The following PGAP2 variants were observed in gnomAD, a reference collection of about 807,000 sequenced individuals.
The protein encoded by PGAP2 is acyltransferase PGAP2.
In PGAP2, 21 loss-of-function variants were observed where a neutral mutation model predicts 33.2. The observed-to-expected ratio is 0.63, with a 90% confidence interval of 0.45 to 0.91. PGAP2 has a LOEUF of 0.91. Among genes scored for constraint, PGAP2 ranks in the 40% least tolerant of loss-of-function variants. The pLI is 0.00. For missense variants in PGAP2, 345 were observed against 424.0 expected, an observed-to-expected ratio of 0.81 and a Z score of 1.64; for synonymous variants, 161 against 172.9, an observed-to-expected ratio of 0.93 and a Z score of 0.54.
chr11:3,802,462 C>G (rs187085170), intron 1 of PGAP2, among the ~76,000 whole-genome samples: 15 of 152,302 alleles, frequency 9.8e-5, no homozygotes, highest in African/African-American at 3.1e-4. Context: ...TTGATGCTTA[C>G]AAACCCTTTT....
At chr11:3,822,330 C>G (rs1159009808) in intron 3 of PGAP2, among the ~76,000 whole-genome samples, 1 of 152,132 alleles carries the variant, frequency 6.6e-6, no homozygotes, top group Non-Finnish European at 1.5e-5. Flanking sequence ...CGCCACTGCA[C>G]TCCAGCCTAG....
chr11:3,814,867 C>A (rs1268471648), intron 2 of PGAP2, among the ~76,000 whole-genome samples: 4 of 126,316 alleles, frequency 3.2e-5, no homozygotes, highest in Non-Finnish European at 6.8e-5. Context: ...TCTTTCTTTT[C>A]TTTCTTTTCT....
rs761460587 is a variant in PGAP2, at chr11:3,824,128, G to C, written c.594G>C (p.Glu198Asp). 5.0e-6 allele frequency: 8 copies of C among 1,614,044 alleles called. No individual in the cohort carries two copies. In the South Asian group the frequency reaches 8.8e-5, roughly 18 times the overall value. Residue 198 changes from glutamate to aspartate, a missense_variant, in exon 4 of 7, where the codon GAG becomes GAC. Physicochemically the swap from Glu to Asp is conservative, Grantham distance 45. This residue lies in a region of PGAP2 where 311 missense variants were observed against 353.6 expected (regional missense o/e 0.88). Transcript: ENST00000278243. ...LLVLTYVSSS[E>D]DFTIHENAFI... ...TGCTCACTTATGTCTCCTCCTCCGA[G>C]GACTTCAGTGGGTGCCTGGATGAGG... is the stretch of plus-strand genomic sequence containing the variant.
At chr11:3,798,173 A>T (rs904703028) in intron 1 of PGAP2, 2 of 1,359,726 alleles carry the variant, frequency 1.5e-6, no homozygotes, top group East Asian at 5.9e-5. Flanking sequence ...CTCCTGACCC[A>T]TGCTCGCCCC....
At chr11:3,813,215 G>GT (rs1565005193) in intron 2 of PGAP2, among the ~76,000 whole-genome samples, 1 of 152,108 alleles carries the variant, frequency 6.6e-6, no homozygotes, top group Non-Finnish European at 1.5e-5. Flanking sequence ...AAGTATTTGG[G>GT]TTTTTTTATT....
At chr11:3,820,881 C>T (rs1057182214) in intron 3 of PGAP2, among the ~76,000 whole-genome samples, 1 of 152,128 alleles carries the variant, frequency 6.6e-6, no homozygotes, top group African/African-American at 2.4e-5. Flanking sequence ...TGGTGTTATA[C>T]CCATTTTACC....
At chr11:3,813,573 C>G (rs766992870) in intron 2 of PGAP2, among the ~76,000 whole-genome samples, 1 of 151,918 alleles carries the variant, frequency 6.6e-6, no homozygotes, top group Non-Finnish European at 1.5e-5. Context: ...TGTGTGGAGA[C>G]GGGGTCTCAC....
At chr11:3,805,678 G>A (rs1441142805), upstream of PGAP2, among the ~76,000 whole-genome samples, 1 of 151,028 alleles carries the variant, frequency 6.6e-6, no homozygotes, top group African/African-American at 2.4e-5. Flanking sequence ...AGACCAGCCT[G>A]GGCAAGACAG....
intron 1 of PGAP2, among the ~76,000 whole-genome samples, chr11:3,810,014 G>A (rs2085223070): frequency 6.6e-6 from 1 of 152,202 alleles, no homozygotes; most frequent in Non-Finnish European, 1.5e-5. Context: ...GCCCAGAAGG[G>A]TATATTCTTT....
At chr11:3,817,968 G>T (rs1399535049) in intron 3 of PGAP2, 1 of 410,548 alleles carries the variant, frequency 2.4e-6, no homozygotes, top group Admixed American at 2.6e-5. Context: ...ATTGCTTGAG[G>T]CTGGGAGGTG....
At chr11:3,818,059 A>AAAT in intron 3 of PGAP2, 1 of 234,626 alleles carries the variant, frequency 4.3e-6, no homozygotes, top group South Asian at 3.1e-5. Flanking sequence ...AAACAAAACA[A>AAAT]AATAAAAAAA....
upstream of PGAP2, chr11:3,807,995 G>A (rs912735169): frequency 3.7e-4 from 474 of 1,293,008 alleles, no homozygotes; most frequent in Admixed American, 1.9e-3. Flanking sequence ...TCTGCGCTAC[G>A]TAGGACAGGG....
chr11:3,797,816 C>T, upstream of PGAP2: 1 of 1,548,984 alleles, frequency 6.5e-7, no homozygotes, highest in Non-Finnish European at 8.7e-7. Flanking sequence ...CGTGACGTCA[C>T]ACAGGGCCTC....
At chr11:3,808,447 T>G (rs2084845537), upstream of PGAP2, 2 of 1,509,526 alleles carry the variant, frequency 1.3e-6, no homozygotes, top group African/African-American at 1.4e-5. Context: ...CACGCCAGAT[T>G]GAGGAGGAGA....
At chr11:3,824,197 C>T in intron 4 of PGAP2, 62 bp downstream of exon 4, 1 of 1,611,734 alleles carries the variant, frequency 6.2e-7, no homozygotes, top group East Asian at 2.2e-5. Flanking sequence ...CCTGCCCCTA[C>T]CACATTCGGA....
intron 3 of PGAP2, among the ~76,000 whole-genome samples, chr11:3,822,013 G>A (rs551960551): frequency 3.9e-5 from 6 of 152,014 alleles, no homozygotes; most frequent in Non-Finnish European, 8.8e-5. Context: ...AGCCGAGATC[G>A]GGCTATGGCA....
intron 3 of PGAP2, chr11:3,823,642 A>G: frequency 6.5e-7 from 1 of 1,539,918 alleles, no homozygotes; most frequent in South Asian, 1.2e-5. Flanking sequence ...GGAGATGGAG[A>G]AGGTGCCACC....
At chr11:3,825,300 T>C in intron 6 of PGAP2, 28 bp from the exon 7 acceptor site, 1 of 1,607,710 alleles carries the variant, frequency 6.2e-7, no homozygotes, top group Non-Finnish European at 8.5e-7. Context: ...AAGTTCACCA[T>C]GTCCTGTTCC....
At chr11:3,821,829 G>C (rs1001281707) in intron 3 of PGAP2, among the ~76,000 whole-genome samples, 1 of 147,464 alleles carries the variant, frequency 6.8e-6, no homozygotes. Flanking sequence ...TTGAGAGGCC[G>C]AGGGGGGTGG....
Sources: gnomAD v4.1 joint callset for allele counts (sites outside exome capture counted in the v4.1 genomes callset) on GRCh38, gnomAD v4.1.1 for gene constraint, gnomAD v4.1.1 regional missense constraint, MANE v1.5 for transcripts, NCBI Gene and HGNC (gene_info 2026-07-23, HGNC 2026-07-21) for gene names.